Variants in CLXN observed in about 807,000 individuals in gnomAD.
CLXN encodes the protein calaxin, also known as EF-hand calcium binding domain 1.
the CLXN span, among the ~76,000 whole-genome samples, chr8:48,733,472 C>G: frequency 7.2e-5 from 11 of 152,166 alleles, no homozygotes; most frequent in Non-Finnish European, 1.6e-4. Context: ...ACTAGATGTT[C>G]TCTTAAGATC....
chr8:48,718,203 A>G, the CLXN span, among the ~76,000 whole-genome samples: 1 of 152,220 alleles, frequency 6.6e-6, no homozygotes, highest in South Asian at 2.1e-4. Flanking sequence ...ATCAGATAAA[A>G]GAAGTATTAA....
At chr8:48,712,533 TAGGTAGG>T in the CLXN span, 2 of 152,048 alleles carry the variant, frequency 1.3e-5, no homozygotes, top group African/African-American at 4.8e-5. Flanking sequence ...TCTTGAAGGG[TAGGTAGG>T]AGGCTTGAGG....
chr8:48,723,257 T>C, the CLXN span, among the ~76,000 whole-genome samples: 1 of 152,200 alleles, frequency 6.6e-6, no homozygotes, highest in Non-Finnish European at 1.5e-5. Flanking sequence ...ATACCTTAAA[T>C]ATATACAGTT....
At chr8:48,729,839 C>T in the CLXN span, 167 of 1,612,474 alleles carry the variant, frequency 1.0e-4, no homozygotes, top group African/African-American at 1.3e-4. Flanking sequence ...GAAATGAATC[C>T]GTCACCATTC....
chr8:48,715,043 C>T, the CLXN span: 1 of 152,080 alleles, frequency 6.6e-6, no homozygotes, highest in African/African-American at 2.4e-5. Context: ...TACACCAAGA[C>T]AAAAGTGCAT....
At chr8:48,714,415 C>G in the CLXN span, among the ~76,000 whole-genome samples, 1 of 152,162 alleles carries the variant, frequency 6.6e-6, no homozygotes, top group Non-Finnish European at 1.5e-5. Flanking sequence ...GGCTCTTGAA[C>G]AGAGCTTATG....
chr8:48,729,168 T>C, the CLXN span: 3 of 1,563,468 alleles, frequency 1.9e-6, no homozygotes, highest in East Asian at 4.5e-5. Context: ...AGAAACATGT[T>C]AGGCAACACG....
At chr8:48,716,267 C>T in the CLXN span, 58 of 153,190 alleles carry the variant, frequency 3.8e-4, no homozygotes, top group Middle Eastern at 3.4e-3. Context: ...GCAGGCCAGC[C>T]GGCCGCTCCA....
the CLXN span, chr8:48,735,238 G>T: frequency 6.7e-7 from 1 of 1,492,688 alleles, no homozygotes; most frequent in Non-Finnish European, 9.3e-7. Context: ...GAGCCCTGGT[G>T]CTGGGTCAAC....
the CLXN span, chr8:48,734,966 G>A: frequency 9.5e-7 from 1 of 1,057,398 alleles, no homozygotes; most frequent in Non-Finnish European, 1.4e-6. Flanking sequence ...GGCCGGGGTG[G>A]AGGGGCGGTA....
At chr8:48,735,180 C>T in the CLXN span, 19 of 1,612,870 alleles carry the variant, frequency 1.2e-5, no homozygotes, top group Non-Finnish European at 4.2e-6. Context: ...CGGGCCGCGG[C>T]GGGGGTCTCT....
the CLXN span, among the ~76,000 whole-genome samples, chr8:48,721,845 T>C: frequency 4.4e-4 from 67 of 152,274 alleles, no homozygotes; most frequent in African/African-American, 1.6e-3. Flanking sequence ...GTAAACCTAT[T>C]AGAAGACAAC....
the CLXN span, among the ~76,000 whole-genome samples, chr8:48,733,757 C>T: frequency 2.0e-5 from 3 of 152,246 alleles, no homozygotes; most frequent in South Asian, 2.1e-4. Flanking sequence ...TATACACTCA[C>T]CTTTTGATTG....
At chr8:48,717,822 C>A in the CLXN span, among the ~76,000 whole-genome samples, 1 of 152,204 alleles carries the variant, frequency 6.6e-6, no homozygotes, top group Non-Finnish European at 1.5e-5. Flanking sequence ...TTAAAATAGA[C>A]AAGATATTTT....
the CLXN span, among the ~76,000 whole-genome samples, chr8:48,713,411 A>G: frequency 6.6e-6 from 1 of 152,166 alleles, no homozygotes. Context: ...TGACTCTGGG[A>G]GGAAATGGCC....
At chr8:48,727,282 G>A in the CLXN span, among the ~76,000 whole-genome samples, 5 of 151,156 alleles carry the variant, frequency 3.3e-5, no homozygotes, top group East Asian at 5.8e-4. Context: ...CACACACCAT[G>A]TGCTACACAC....
At chr8:48,719,345 G>C in the CLXN span, among the ~76,000 whole-genome samples, 3 of 151,944 alleles carry the variant, frequency 2.0e-5, no homozygotes, top group African/African-American at 7.3e-5. Flanking sequence ...AACATACTAA[G>C]AAGAATGAAT....
At chr8:48,714,557 T>TATA in the CLXN span, among the ~76,000 whole-genome samples, 1 of 152,246 alleles carries the variant, frequency 6.6e-6, no homozygotes, top group African/African-American at 2.4e-5. Flanking sequence ...GAGGTCAGTA[T>TATA]ATACTCAACA....
the CLXN span, chr8:48,730,702 A>G: frequency 1.0e-6 from 1 of 966,064 alleles, no homozygotes; most frequent in Non-Finnish European, 1.6e-6. Flanking sequence ...TCAGTAAAGT[A>G]TCTACATTGG....
Sources: allele counts gnomAD v4.1 joint callset (sites outside exome capture counted in the v4.1 genomes callset), GRCh38; gene constraint gnomAD v4.1.1; transcripts MANE v1.5; gene names NCBI Gene and HGNC (gene_info 2026-07-23, HGNC 2026-07-21).